Variants in SH3BGRL2 observed in about 807,000 individuals in gnomAD.
The protein encoded by SH3BGRL2 is SH3 domain binding glutamate rich protein like 2, also known as SH3 domain-binding glutamic acid-rich-like protein 2.
Under a neutral mutation model 14.8 loss-of-function variants are expected in SH3BGRL2, and 21 were observed. The ratio of observed to expected loss-of-function variants is 1.42; its 90% CI spans 1.01 to 2.05. The LOEUF (loss-of-function observed/expected upper bound fraction) is 2.05, where lower values mean the gene tolerates loss of function less well. Among genes scored for constraint, SH3BGRL2 ranks in the 30% most tolerant of loss-of-function variants. The pLI, the probability that SH3BGRL2 is intolerant of heterozygous loss-of-function variation, is 0.00. For missense variants in SH3BGRL2, 147 were observed against 130.8 expected, an observed-to-expected ratio of 1.12 and a Z score of -0.61; for synonymous variants, 50 against 47.8, an observed-to-expected ratio of 1.05 and a Z score of -0.19.
chr6:79,575,482 GTCATA>G, the SH3BGRL2 span: 1 of 152,064 alleles, frequency 6.6e-6, no homozygotes, highest in African/African-American at 2.4e-5. Context: ...ACTTTCTCAT[GTCATA>G]TAATGATGCT....
the SH3BGRL2 span, among the ~76,000 whole-genome samples, chr6:79,572,716 T>C: frequency 1.8e-4 from 28 of 152,200 alleles, no homozygotes; most frequent in South Asian, 1.2e-3. Context: ...CCGCCCGCCT[T>C]GGCCTCCAAA....
chr6:79,539,564 C>T, the SH3BGRL2 span, among the ~76,000 whole-genome samples: 3 of 152,210 alleles, frequency 2.0e-5, no homozygotes, highest in Admixed American at 2.0e-4. Context: ...AGATTTGCTA[C>T]ATTGCTAACT....
At chr6:79,632,567 A>G (rs762697471) in intron 1 of SH3BGRL2, among the ~76,000 whole-genome samples, 1 of 152,180 alleles carries the variant, frequency 6.6e-6, no homozygotes, top group Non-Finnish European at 1.5e-5. Context: ...GGAGTGGAGG[A>G]TGGAATAAAA....
chr6:79,631,308 C>G, upstream of SH3BGRL2: 4 of 593,748 alleles, frequency 6.7e-6, no homozygotes, highest in Non-Finnish European at 1.0e-5. Flanking sequence ...CTTTTATCTG[C>G]GGACCCGCCG....
At chr6:79,609,644 G>T in the SH3BGRL2 span, among the ~76,000 whole-genome samples, 12 of 152,148 alleles carry the variant, frequency 7.9e-5, no homozygotes, top group Non-Finnish European at 1.8e-4. Flanking sequence ...TTCTTTGGCA[G>T]TGGCAATTAT....
At chr6:79,617,308 A>G in the SH3BGRL2 span, among the ~76,000 whole-genome samples, 1 of 152,158 alleles carries the variant, frequency 6.6e-6, no homozygotes, top group East Asian at 1.9e-4. Context: ...TTCTATCTGG[A>G]TTTTTGAAAT....
At chr6:79,582,384 T>A in the SH3BGRL2 span, among the ~76,000 whole-genome samples, 1 of 152,282 alleles carries the variant, frequency 6.6e-6, no homozygotes, top group East Asian at 1.9e-4. Context: ...GACTTCAAAC[T>A]ATACTACAAG....
chr6:79,601,805 A>C, the SH3BGRL2 span, among the ~76,000 whole-genome samples: 11 of 152,240 alleles, frequency 7.2e-5, no homozygotes, highest in African/African-American at 2.6e-4. Context: ...CTGAAAATTC[A>C]TTTTTACTAT....
intron 1 of SH3BGRL2, among the ~76,000 whole-genome samples, chr6:79,647,552 T>C (rs1190738607): frequency 6.6e-6 from 1 of 152,110 alleles, no homozygotes; most frequent in Non-Finnish European, 1.5e-5. Flanking sequence ...AAACAACTCT[T>C]AATCTTGGGG....
chr6:79,616,832 AAAAG>A, the SH3BGRL2 span, among the ~76,000 whole-genome samples: 1 of 152,150 alleles, frequency 6.6e-6, no homozygotes, highest in Non-Finnish European at 1.5e-5. Flanking sequence ...TCAGGGAAGA[AAAAG>A]AAAGTGCATG....
intron 2 of SH3BGRL2, among the ~76,000 whole-genome samples, chr6:79,687,950 T>C (rs1770134671): frequency 6.6e-6 from 1 of 152,198 alleles, no homozygotes; most frequent in South Asian, 2.1e-4. Flanking sequence ...GAGTGGCTGC[T>C]GTGAGCTTTC....
At chr6:79,639,483 G>A (rs1768989638) in intron 1 of SH3BGRL2, among the ~76,000 whole-genome samples, 1 of 152,026 alleles carries the variant, frequency 6.6e-6, no homozygotes, top group Non-Finnish European at 1.5e-5. Context: ...CAGTTACTTG[G>A]GGGGCTGAGG....
At chr6:79,661,150 A>G (rs976013323) in intron 1 of SH3BGRL2, among the ~76,000 whole-genome samples, 1 of 151,834 alleles carries the variant, frequency 6.6e-6, no homozygotes, top group Non-Finnish European at 1.5e-5. Context: ...CTCTAATCTT[A>G]GTTATTTCTT....
the SH3BGRL2 span, among the ~76,000 whole-genome samples, chr6:79,618,251 C>G: frequency 6.6e-6 from 1 of 152,166 alleles, no homozygotes; most frequent in East Asian, 1.9e-4. Flanking sequence ...TCTTTTGTCT[C>G]TCTTTCAACA....
the SH3BGRL2 span, among the ~76,000 whole-genome samples, chr6:79,595,635 A>G: frequency 6.6e-6 from 1 of 152,242 alleles, no homozygotes; most frequent in African/African-American, 2.4e-5. Context: ...ACCCTTTATG[A>G]TAAAAACTCT....
intron 1 of SH3BGRL2, among the ~76,000 whole-genome samples, chr6:79,669,452 C>CTTT (rs66477199): frequency 0.096 from 11,818 of 122,802 alleles, 871 homozygotes; most frequent in East Asian, 0.31. Flanking sequence ...AATTTATATT[C>CTTT]TTTTTTTTTT....
rs889803424 is a variant in SH3BGRL2, at chr6:79,700,035, A to G, written c.*526A>G. The G allele has an allele frequency of 1.3e-5, 2 of 152,918 alleles. No homozygotes were observed. The highest frequency in any genetic ancestry group is 4.8e-5 in the African/African-American group (2 of 41,492). 9.5% of individuals were successfully genotyped at this position (152,918 alleles called of 1,614,324 possible). A position where few individuals can be genotyped will look rare whatever the true frequency, so the allele number is the denominator to read the frequency against. On this transcript the variant is annotated 3_prime_UTR_variant, in exon 4 of 4. Transcript: ENST00000369838. ...AACATCACAGTTCCCATGCTTTGTA[A>G]TAACACCTGGTGAAAAAGTTAGATA...
At chr6:79,674,823 C>T (rs1003504157) in intron 2 of SH3BGRL2, among the ~76,000 whole-genome samples, 6 of 152,166 alleles carry the variant, frequency 3.9e-5, no homozygotes, top group South Asian at 2.1e-4. Context: ...TGCCTTATGT[C>T]GGCTGGGACA....
the SH3BGRL2 span, among the ~76,000 whole-genome samples, chr6:79,594,425 T>C: frequency 1.3e-5 from 2 of 152,214 alleles, no homozygotes; most frequent in Admixed American, 6.5e-5. Context: ...ATCTGTCTTT[T>C]ACCATGAGGA....
Sources: gnomAD v4.1 joint callset for allele counts (sites outside exome capture counted in the v4.1 genomes callset) on GRCh38, gnomAD v4.1.1 for gene constraint, MANE v1.5 for transcripts, NCBI Gene and HGNC (gene_info 2026-07-23, HGNC 2026-07-21) for gene names.